Variants in ATP5F1C observed in about 807,000 individuals in gnomAD.
The protein encoded by ATP5F1C is ATP synthase F1 subunit gamma.
In ATP5F1C, 22 loss-of-function variants were observed where a neutral mutation model predicts 37.4. The ratio of observed to expected loss-of-function variants is 0.59; its 90% confidence interval spans 0.42 to 0.84. The LOEUF is 0.84. ATP5F1C is among the 40% of genes least tolerant of loss of function. The pLI is 0.00. For synonymous variants in ATP5F1C, 121 were observed against 128.0 expected, an observed-to-expected ratio of 0.95 and a Z score of 0.37; for missense variants, 286 against 362.4, an observed-to-expected ratio of 0.79 and a Z score of 1.71.
At chr10:7,790,039 C>G (rs190104278) in intron 1 of ATP5F1C, among the ~76,000 whole-genome samples, 259 of 152,320 alleles carry the variant, frequency 1.7e-3, no homozygotes, top group Admixed American at 4.8e-3. Flanking sequence ...CTGTCTTCTT[C>G]TTTTCATGTA....
intron 8 of ATP5F1C, among the ~76,000 whole-genome samples, chr10:7,805,857 C>T (rs180672614): frequency 4.0e-5 from 6 of 151,832 alleles, no homozygotes; most frequent in East Asian, 1.9e-4. Context: ...GAGACCGAAG[C>T]GAGTGGATTG....
rs35450845 is a variant in ATP5F1C at position 7,801,080 on chromosome 10, T to A, written c.637+989T>A. Among the ~76,000 whole-genome samples, 846 of 152,380 alleles carry A rather than the reference T, an allele frequency of 5.6e-3. 8 individuals carry two copies. The highest frequency in any genetic ancestry group is 0.024 in the South Asian group (115 of 4,832). Reference sequence around the variant, plus strand: ...TGACTGACTCAATTCTCTTGTTTTATTGTTGGAATAAAGTCATCATTGATC... The same window carrying A: ...TGACTGACTCAATTCTCTTGTTTTAATGTTGGAATAAAGTCATCATTGATC... On this transcript the variant is annotated intron_variant, in intron 6 of 9. Transcript: ENST00000356708.
At chr10:7,797,857 GTCT>G (rs1049785839) in intron 3 of ATP5F1C, among the ~76,000 whole-genome samples, 1 of 152,110 alleles carries the variant, frequency 6.6e-6, no homozygotes, top group African/African-American at 2.4e-5. Flanking sequence ...TCCTTAATTA[GTCT>G]TCTTAATGGA....
At chr10:7,788,749 A>T (rs1222476446) in intron 1 of ATP5F1C, among the ~76,000 whole-genome samples, 1 of 151,954 alleles carries the variant, frequency 6.6e-6, no homozygotes, top group Non-Finnish European at 1.5e-5. Flanking sequence ...GATTCGATCG[A>T]GTCAGAGAGC....
At chr10:7,799,479 G>C in intron 4 of ATP5F1C, 1 of 552,374 alleles carries the variant, frequency 1.8e-6, no homozygotes, top group Non-Finnish European at 3.2e-6. Context: ...AGCCAAATGA[G>C]GCATCTGAGG....
At chr10:7,801,524 C>G (rs1836365969) in intron 6 of ATP5F1C, 1 of 152,188 alleles carries the variant, frequency 6.6e-6, no homozygotes, top group Non-Finnish European at 1.5e-5. Flanking sequence ...TTGATACATT[C>G]AGATTTCTTC....
At chr10:7,791,801 G>A (rs187818011) in intron 1 of ATP5F1C, among the ~76,000 whole-genome samples, 29 of 152,284 alleles carry the variant, frequency 1.9e-4, no homozygotes, top group African/African-American at 5.5e-4. Flanking sequence ...TAACATAGAC[G>A]TCTTCAGAAT....
At chr10:7,791,567 T>A (rs545190664) in intron 1 of ATP5F1C, among the ~76,000 whole-genome samples, 2 of 152,228 alleles carry the variant, frequency 1.3e-5, no homozygotes, top group Admixed American at 6.5e-5. Flanking sequence ...TCAGCTGTTA[T>A]AACAGCGCTG....
Position 7,802,781 on chromosome 10 carries a change from T to C in ATP5F1C, c.817T>C (p.Leu273=). ...AGCTGAGATGATTGACAAATTGACA[T>C]TGACATTCAACCGTACCCGCCAAGC... ...NASEMIDKLT[L]TFNRTRQAVI... is the part of the protein sequence containing the mutation. The change falls in exon 8 of 10, where the codon TTG becomes CTG. Residue 273 remains leucine, a synonymous_variant. Coordinates refer to ENST00000356708, the MANE Select transcript of ATP5F1C (RefSeq NM_001001973.3). The C allele has an allele frequency of 1.9e-6, 3 of 1,613,846 alleles. No individual in the cohort carries two copies. Among genetic ancestry groups the C allele is most frequent in the Non-Finnish European group, 2.5e-6 (3 of 1,179,932 alleles).
At position 7,802,880 on chromosome 10, in the gene ATP5F1C, C is replaced by T. The variant is rs1469618729; in HGVS notation, c.890+26C>T. On this transcript the variant is annotated intron_variant, in intron 8 of 9. Transcript: ENST00000356708. ...GTGAGTAATTGTAGATTGTCGCCTT[C>T]AGAGAATTTTTTTTCCTCTTGCTGT... 14 of 1,596,194 alleles carry T rather than the reference C, an allele frequency of 8.8e-6. No homozygotes were observed. In the African/African-American group the frequency reaches 9.5e-5, roughly 11 times the overall value.
At chr10:7,789,442 A>ATT (rs3837321) in intron 1 of ATP5F1C, among the ~76,000 whole-genome samples, 32,947 of 151,680 alleles carry the variant, frequency 0.22, 3,675 homozygotes, top group Admixed American at 0.26. Flanking sequence ...TGGAAGTCAG[A>ATT]TTTTTTTTTC....
At chr10:7,806,062 A>T (rs1242327367) in intron 8 of ATP5F1C, among the ~76,000 whole-genome samples, 1 of 152,188 alleles carries the variant, frequency 6.6e-6, no homozygotes, top group African/African-American at 2.4e-5. Flanking sequence ...CAAAACCAAG[A>T]ATTTAGAAAA....
intron 3 of ATP5F1C, 97 bp from the exon 4 acceptor site, chr10:7,798,893 G>T: frequency 8.5e-7 from 1 of 1,183,340 alleles, no homozygotes; most frequent in Non-Finnish European, 1.2e-6. Flanking sequence ...AAATTTAAAT[G>T]CGTATTTTGG....
At position 7,802,383 on chromosome 10, in the gene ATP5F1C, A is replaced by T. The variant is rs1836385802; in HGVS notation, c.751A>T (p.Ser251Cys). The T allele has an allele frequency of 5.0e-6, 8 of 1,614,042 alleles. No homozygotes were observed. The highest frequency in any genetic ancestry group is 6.8e-6 in the Non-Finnish European group (8 of 1,180,016). Residue 251 changes from serine to cysteine, a missense_variant, in exon 7 of 10, where the codon AGT (serine) becomes TGT (cysteine). Physicochemically the swap from Ser to Cys is moderately radical, Grantham distance 112. Transcript: ENST00000356708. ...GAAGGAGTCCACCACTAGTGAGCAG[A>T]GTGCCAGGATGACAGCCATGGACAA... ...SLKESTTSEQ[S>C]ARMTAMDNAS...
chr10:7,791,794 C>T (rs915265484), intron 1 of ATP5F1C, among the ~76,000 whole-genome samples: 6 of 152,224 alleles, frequency 3.9e-5, no homozygotes, highest in African/African-American at 1.2e-4. Flanking sequence ...AAAGTAGTAA[C>T]ATAGACGTCT....
rs558310894 is a variant in ATP5F1C at position 7,789,699 on chromosome 10, T to C, written c.56+1436T>C. On this transcript the variant is annotated intron_variant, in intron 1 of 9. Coordinates refer to ENST00000356708, the MANE Select transcript of ATP5F1C (RefSeq NM_001001973.3). ...AACATCAGCTCTCCTGGCCTTACCT[T>C]CTTGCCACGCATTAATGTTATCTGT... 2.0e-5 allele frequency among the ~76,000 whole-genome samples: 3 copies of C among 152,372 alleles called. No individual in the cohort carries two copies. In the South Asian group the frequency reaches 6.2e-4, roughly 32 times the overall value.
At chr10:7,800,492 TTTTTTTA>T (rs1057011073) in intron 6 of ATP5F1C, among the ~76,000 whole-genome samples, 7 of 117,202 alleles carry the variant, frequency 6.0e-5, no homozygotes, top group African/African-American at 2.3e-4. Context: ...CAGCCTTTTA[TTTTTTTA>T]TTTTTTATTT....
At chr10:7,799,650 A>G in intron 4 of ATP5F1C, 122 bp from the exon 5 acceptor site, 1 of 1,131,178 alleles carries the variant, frequency 8.8e-7, no homozygotes. Flanking sequence ...TCAGGAAATC[A>G]CCACCACCCA....
intron 2 of ATP5F1C, 127 bp from the exon 3 acceptor site, chr10:7,796,919 AT>A: frequency 5.7e-6 from 6 of 1,057,560 alleles, no homozygotes; most frequent in Non-Finnish European, 8.1e-6. Context: ...CTGGTTTAGC[AT>A]CGTGCTGTTT....
Sources: allele counts gnomAD v4.1 joint callset (sites outside exome capture counted in the v4.1 genomes callset), GRCh38; gene constraint gnomAD v4.1.1; transcripts MANE v1.5; gene names NCBI Gene and HGNC (gene_info 2026-07-23, HGNC 2026-07-21).